Variants in RSPO2 observed in about 807,000 individuals in gnomAD.
RSPO2 encodes the protein R-spondin 2, also known as R-spondin-2.
A neutral mutation model predicts 30.9 loss-of-function variants in RSPO2; 14 were observed. The observed-to-expected ratio is 0.45, with a 90% CI of 0.30 to 0.71. The LOEUF is 0.71. RSPO2 is among the 30% of genes least tolerant of loss of function. The probability of loss-of-function intolerance (pLI) is 0.08; values close to 1 mark genes in which losing one functional copy is unlikely to be tolerated. For missense variants in RSPO2, 264 were observed against 301.9 expected, an observed-to-expected ratio of 0.87 and a Z score of 0.93; for synonymous variants, 107 against 96.4, an observed-to-expected ratio of 1.11 and a Z score of -0.64.
At chr8:108,073,330 CAA>C (rs1390504266) in intron 2 of RSPO2, among the ~76,000 whole-genome samples, 26 of 152,322 alleles carry the variant, frequency 1.7e-4, no homozygotes, top group African/African-American at 5.3e-4. Context: ...GAAAAGAATG[CAA>C]AGTGTGCCCT....
chr8:108,027,139 A>AT (rs1811247920), intron 2 of RSPO2, among the ~76,000 whole-genome samples: 3 of 152,202 alleles, frequency 2.0e-5, no homozygotes, highest in African/African-American at 7.2e-5. Flanking sequence ...TATATTACAT[A>AT]AAACTTCTGA....
At chr8:108,010,420 G>T (rs1810664261) in intron 2 of RSPO2, among the ~76,000 whole-genome samples, 1 of 152,214 alleles carries the variant, frequency 6.6e-6, no homozygotes, top group South Asian at 2.1e-4. Context: ...AGACACTTAT[G>T]TGAGCAGGAC....
At chr8:107,958,346 T>C in intron 4 of RSPO2, 78 bp from the exon 5 acceptor site, 1 of 1,207,178 alleles carries the variant, frequency 8.3e-7, no homozygotes, top group Non-Finnish European at 1.2e-6. Context: ...GTCATCAAAT[T>C]TACAGAGCAG....
intron 5 of RSPO2, among the ~76,000 whole-genome samples, chr8:107,949,815 A>G (rs1337359346): frequency 1.3e-5 from 2 of 152,194 alleles, no homozygotes; most frequent in East Asian, 3.8e-4. Flanking sequence ...CCTAACCTTC[A>G]CCATTATGCA....
intron 5 of RSPO2, among the ~76,000 whole-genome samples, chr8:107,951,061 T>G (rs1813230572): frequency 6.6e-6 from 1 of 151,068 alleles, no homozygotes; most frequent in Non-Finnish European, 1.5e-5. Context: ...TTGTTGTTGT[T>G]GTTGTTGTTG....
At chr8:108,040,412 GA>G (rs887888590) in intron 2 of RSPO2, among the ~76,000 whole-genome samples, 5 of 151,608 alleles carry the variant, frequency 3.3e-5, no homozygotes, top group Non-Finnish European at 7.4e-5. Context: ...CTTTAGACAA[GA>G]AAAAAAACAT....
chr8:108,044,161 A>G (rs954356317), intron 2 of RSPO2, among the ~76,000 whole-genome samples: 1 of 151,924 alleles, frequency 6.6e-6, no homozygotes, highest in East Asian at 1.9e-4. Flanking sequence ...CTGAAAAAAA[A>G]AAAAGAAAAG....
At chr8:107,913,003 G>A (rs559771293) in intron 5 of RSPO2, among the ~76,000 whole-genome samples, 1 of 152,026 alleles carries the variant, frequency 6.6e-6, no homozygotes, top group Non-Finnish European at 1.5e-5. Flanking sequence ...TGATACATAA[G>A]AGCTGCACAT....
intron 2 of RSPO2, among the ~76,000 whole-genome samples, chr8:107,989,839 A>C (rs1257625056): frequency 6.6e-6 from 1 of 152,190 alleles, no homozygotes; most frequent in Non-Finnish European, 1.5e-5. Context: ...CAGAAAGAAA[A>C]AATAAATAAA....
chr8:107,905,020 A>G (rs1177025493), intron 5 of RSPO2, among the ~76,000 whole-genome samples: 1 of 152,122 alleles, frequency 6.6e-6, no homozygotes, highest in Non-Finnish European at 1.5e-5. Context: ...TGCTGCTATT[A>G]GAATCAGAAA....
At chr8:107,983,009 A>C (rs1814503242) in intron 3 of RSPO2, 1 of 725,672 alleles carries the variant, frequency 1.4e-6, no homozygotes, top group African/African-American at 1.8e-5. Flanking sequence ...CCTGGGGTGC[A>C]GAGAGGGGCC....
At chr8:107,932,837 C>T (rs1812592501) in intron 5 of RSPO2, among the ~76,000 whole-genome samples, 1 of 152,118 alleles carries the variant, frequency 6.6e-6, no homozygotes, top group African/African-American at 2.4e-5. Context: ...GATCATTAAG[C>T]TGGCCTGAGG....
At chr8:107,937,264 G>C (rs920081957) in intron 5 of RSPO2, among the ~76,000 whole-genome samples, 1 of 151,490 alleles carries the variant, frequency 6.6e-6, no homozygotes. Flanking sequence ...TCTCCCCAGT[G>C]TATGTTGTTA....
chr8:108,067,797 A>C (rs926099232), intron 2 of RSPO2, among the ~76,000 whole-genome samples: 1 of 152,192 alleles, frequency 6.6e-6, no homozygotes, highest in African/African-American at 2.4e-5. Flanking sequence ...TCTTCAATAA[A>C]AACAGCTAAG....
intron 2 of RSPO2, among the ~76,000 whole-genome samples, chr8:108,036,988 C>A (rs1410327425): frequency 6.6e-6 from 1 of 152,158 alleles, no homozygotes; most frequent in Non-Finnish European, 1.5e-5. Context: ...ATCTCTCTCA[C>A]TCTCTCCTCA....
In RSPO2 at chr8:108,075,022, C is replaced by G. The variant is rs116133020; in HGVS notation, c.94+7523G>C. Among the ~76,000 whole-genome samples the G allele has an allele frequency of 8.5e-3, 1,295 of 152,220 alleles. 35 individuals carry two copies. The highest frequency in any genetic ancestry group is 0.03 in the African/African-American group (1,233 of 41,518). ...TATACTAAAATCATAAATATAATAA[C>G]TAGGATTAAATTTTTTCCTGTACTT... On this transcript the variant is annotated intron_variant, in intron 2 of 5. Coordinates refer to ENST00000276659, the MANE Select transcript of RSPO2 (RefSeq NM_178565.5).
At chr8:107,978,956 A>T (rs1814321428) in intron 3 of RSPO2, among the ~76,000 whole-genome samples, 1 of 152,346 alleles carries the variant, frequency 6.6e-6, no homozygotes, top group East Asian at 1.9e-4. Flanking sequence ...GCCGTCAGAG[A>T]AATGCAAATC....
intron 3 of RSPO2, chr8:107,983,704 A>G: frequency 6.3e-7 from 1 of 1,591,936 alleles, no homozygotes; most frequent in East Asian, 2.2e-5. Flanking sequence ...GGAAGAAAAT[A>G]ACAACTAAAG....
chr8:108,064,784 C>A (rs966024270), intron 2 of RSPO2, among the ~76,000 whole-genome samples: 1 of 152,126 alleles, frequency 6.6e-6, no homozygotes, highest in Admixed American at 6.5e-5. Context: ...AAATGTCCAA[C>A]AATGATAGAC....
Sources: gnomAD v4.1 joint callset for allele counts (sites outside exome capture counted in the v4.1 genomes callset) on GRCh38, gnomAD v4.1.1 for gene constraint, MANE v1.5 for transcripts, NCBI Gene and HGNC (gene_info 2026-07-23, HGNC 2026-07-21) for gene names.